The following TMEM63A variants were observed in gnomAD, a reference collection of about 807,000 sequenced individuals.
TMEM63A encodes mechanosensitive cation channel TMEM63A.
Under a neutral mutation model 100.6 loss-of-function variants are expected in TMEM63A, and 76 were observed. The observed-to-expected ratio is 0.76, with a 90% CI of 0.63 to 0.91. The LOEUF (loss-of-function observed/expected upper bound fraction) is 0.91. TMEM63A is among the 40% of genes least tolerant of loss of function. The probability of loss-of-function intolerance (pLI) is 0.00; values close to 1 mark genes in which losing one functional copy is unlikely to be tolerated. For missense variants in TMEM63A, 876 were observed against 1,008.8 expected, an observed-to-expected ratio of 0.87 and a Z score of 1.78; for synonymous variants, 401 against 401.1, an observed-to-expected ratio of 1.00 and a Z score of 0.00.
At chr1:225,873,173 G>A (rs1002620114) in intron 4 of TMEM63A, among the ~76,000 whole-genome samples, 1 of 152,180 alleles carries the variant, frequency 6.6e-6, no homozygotes, top group Non-Finnish European at 1.5e-5. Context: ...TTGGGGCCTT[G>A]ACCAAGGTCG....
At chr1:225,840,999 C>T (rs1477740847), downstream of TMEM63A, 1 of 152,310 alleles carries the variant, frequency 6.6e-6, no homozygotes, top group East Asian at 1.9e-4. Flanking sequence ...TCTCATATAA[C>T]CTCTTCTCCC....
Position 225,846,754 on chromosome 1 carries a change from CG to C in TMEM63A, c.*184del. Reference sequence around the variant, plus strand: ...CAGCTGCAGAGCTGGAAGCTTGTGCCGGAGGGGAAACTGGGTGAGCAAGGGA... The same window carrying C: ...CAGCTGCAGAGCTGGAAGCTTGTGCCGAGGGGAAACTGGGTGAGCAAGGGA... On this transcript the variant is annotated 3_prime_UTR_variant, in exon 25 of 25. Coordinates refer to ENST00000366835, the MANE Select transcript of TMEM63A (RefSeq NM_014698.3). The C allele has an allele frequency of 3.0e-6, 1 of 334,228 alleles. No homozygotes were observed. The highest frequency in any genetic ancestry group is 5.4e-6 in the Non-Finnish European group (1 of 183,620). The allele number at this position is 334,228 out of a possible 1,614,324, so 20.7% of individuals were successfully genotyped here.
intron 1 of TMEM63A, among the ~76,000 whole-genome samples, chr1:225,880,259 A>C (rs1373367354): frequency 6.6e-6 from 1 of 152,132 alleles, no homozygotes; most frequent in Non-Finnish European, 1.5e-5. Context: ...CAGACCTTTC[A>C]GCTCAGTCCC....
rs1669580542 is a variant in TMEM63A at position 225,855,756 on chromosome 1, G to A, written c.1634+122C>T. ...GAGGCCCCAAGCCCTGCTGTCTGGG[G>A]AGGAAGATGCCTGTTCAGAAGCATA... On this transcript the variant is annotated intron_variant, in intron 18 of 24. Coordinates refer to ENST00000366835, the MANE Select transcript of TMEM63A (RefSeq NM_014698.3). The A allele has an allele frequency of 4.2e-6, 4 of 959,664 alleles. No homozygotes were observed. In the African/African-American group the frequency reaches 6.7e-5, roughly 16 times the overall value. 59.4% of individuals were successfully genotyped at this position (959,664 alleles called of 1,614,324 possible).
At position 225,849,922 on chromosome 1, in the gene TMEM63A, G is replaced by T; in HGVS notation, c.2061C>A (p.Phe687Leu). Residue 687 changes from phenylalanine to leucine, a missense_variant, in exon 21 of 25, where the codon TTC becomes TTA. By Grantham distance (22) the Phe-to-Leu change is conservative. Around this residue, in one of 5 missense-constraint regions of TMEM63A, gnomAD observed 339 missense variants for 342.3 expected, o/e 0.99. Coordinates refer to ENST00000366835, the MANE Select transcript of TMEM63A (RefSeq NM_014698.3). ...AGAAGGGCTGCTCACCCAGGCGCAG[G>T]AAGGAAAAGAAGTAGAGCCAGAAGA... is the stretch of plus-strand genomic sequence containing the variant. Reference protein sequence around the residue: ...LCLFWLYFFSFLRLGMKAPAT... With the variant: ...LCLFWLYFFSLLRLGMKAPAT... The T allele has an allele frequency of 6.2e-7, 1 of 1,614,044 alleles. No homozygotes were observed. Among genetic ancestry groups the T allele is most frequent in the South Asian group, 1.1e-5 (1 of 91,068 alleles).
rs369523636 is a variant in TMEM63A at position 225,862,902 on chromosome 1, C to T, written c.747-51G>A. 4.5e-6 allele frequency: 7 copies of T among 1,560,528 alleles called. No homozygotes were observed. The highest frequency in any genetic ancestry group is 5.3e-6 in the Non-Finnish European group (6 of 1,140,296). ...AAAGACACCGTTGGAAAAGAAAACA[C>T]CCCAAGCAGGAGACGTGCCCACGGA... On this transcript the variant is annotated intron_variant, in intron 10 of 24. Transcript: ENST00000366835. This position sits in a 1 kb window ranked among gnomAD's most constrained non-coding sequence, Gnocchi z 5.1.
chr1:225,856,559 T>G, intron 17 of TMEM63A, 93 bp downstream of exon 17: 1 of 1,344,200 alleles, frequency 7.4e-7, no homozygotes, highest in African/African-American at 1.5e-5. Flanking sequence ...AGAGGTTTGC[T>G]TCTGCTGCCA....
intron 6 of TMEM63A, among the ~76,000 whole-genome samples, chr1:225,869,742 G>A (rs1181293070): frequency 1.4e-5 from 2 of 143,328 alleles, no homozygotes; most frequent in Non-Finnish European, 3.0e-5. Flanking sequence ...GGCTCACTGC[G>A]ACCTCCGCCT....
downstream of TMEM63A, chr1:225,845,262 G>A (rs141221713): frequency 2.9e-5 from 47 of 1,613,836 alleles, no homozygotes; most frequent in East Asian, 3.8e-4. Flanking sequence ...TACATGGTTC[G>A]TGGGGGCCAC....
intron 21 of TMEM63A, among the ~76,000 whole-genome samples, chr1:225,849,350 ACCCTCCCACAC>A (rs1467700628): frequency 6.6e-6 from 1 of 151,418 alleles, no homozygotes; most frequent in Non-Finnish European, 1.5e-5. Context: ...GAGAGGATGG[ACCCTCCCACAC>A]CCCCAGTCTG....
chr1:225,842,867 G>A (rs375106207), downstream of TMEM63A, among the ~76,000 whole-genome samples: 4 of 152,164 alleles, frequency 2.6e-5, no homozygotes, highest in South Asian at 2.1e-4. Flanking sequence ...GAGGGTGGTC[G>A]CAGAAAGACA....
In TMEM63A at chr1:225,849,026, G is replaced by A. The variant is rs575441868; in HGVS notation, c.2072-14C>T. The A allele has an allele frequency of 1.2e-5, 19 of 1,546,114 alleles. No individual in the cohort carries two copies. The Admixed American group carries it at 3.1e-4, about 25-fold the overall frequency. The stretch of plus-strand genomic sequence containing the variant: ...GGGCCTTCATACCTGGTGATAGAGG[G>A]TGGCTAGCCTTGGGGTGGGCAGGGA... On this transcript the variant is annotated splice_polypyrimidine_tract_variant and intron_variant, in intron 21 of 24. Transcript: ENST00000366835.
rs966466087 is a variant in TMEM63A at position 225,853,635 on chromosome 1, G to A, written c.1791C>T (p.Val597=). The part of the protein sequence containing the change: ...MAKTAADRRN[V]KQNQAFQYEF... ...TGGGCCCAGGGGATGGCACCTGCTT[G>A]ACATTCCTGCGGTCAGCAGCCGTCT... is the stretch of plus-strand genomic sequence containing the variant. Residue 597 remains valine, a synonymous_variant, in exon 19 of 25, where the codon GTC becomes GTT. Transcript: ENST00000366835. The surrounding 1 kb of genome is among the most constrained non-coding windows in gnomAD (Gnocchi z 4.0). 5.1e-6 allele frequency: 8 copies of A among 1,564,302 alleles called. No individual in the cohort carries two copies. In the African/African-American group the frequency reaches 1.1e-4, roughly 21 times the overall value.
intron 1 of TMEM63A, among the ~76,000 whole-genome samples, chr1:225,881,488 A>G (rs1403679397): frequency 2.0e-5 from 3 of 152,196 alleles, no homozygotes; most frequent in East Asian, 1.9e-4. Flanking sequence ...TTAGAGCCCA[A>G]CGAACAGCTA....
At chr1:225,873,484 G>A (rs1008200340) in intron 4 of TMEM63A, among the ~76,000 whole-genome samples, 4 of 152,268 alleles carry the variant, frequency 2.6e-5, no homozygotes, top group African/African-American at 4.8e-5. Flanking sequence ...GGGGCTCTGG[G>A]TGGCAGCTGG....
intron 15 of TMEM63A, 126 bp from the exon 16 acceptor site, chr1:225,857,143 G>C: frequency 1.4e-6 from 1 of 728,436 alleles, no homozygotes; most frequent in Non-Finnish European, 2.1e-6. Context: ...TCTGACCCCA[G>C]AACCAAAACT....
At chr1:225,855,973 T>A in intron 17 of TMEM63A, 33 bp from the exon 18 acceptor site, 1 of 1,604,800 alleles carries the variant, frequency 6.2e-7, no homozygotes, top group South Asian at 1.1e-5. Flanking sequence ...AAGAGTTTAT[T>A]TCCAGCATTC....
At chr1:225,842,495 T>C (rs1372008218), downstream of TMEM63A, 1 of 1,555,746 alleles carries the variant, frequency 6.4e-7, no homozygotes, top group Admixed American at 1.7e-5. Flanking sequence ...GGTTTGCCCC[T>C]GCAGTCATGA....
intron 14 of TMEM63A, 193 bp downstream of exon 14, chr1:225,860,667 A>G: frequency 2.1e-6 from 1 of 473,062 alleles, no homozygotes; most frequent in East Asian, 3.6e-5. Context: ...GCTAGGGAGG[A>G]ACACTGGAGG....
Sources: gnomAD v4.1 joint callset for allele counts (sites outside exome capture counted in the v4.1 genomes callset) on GRCh38, gnomAD v4.1.1 for gene constraint, gnomAD v4.1.1 regional missense constraint, Gnocchi (gnomAD v3.1) non-coding constraint, MANE v1.5 for transcripts, NCBI Gene and HGNC (gene_info 2026-07-23, HGNC 2026-07-21) for gene names.